Variants in SLC25A13 observed in about 807,000 individuals in gnomAD.
The protein encoded by SLC25A13 is electrogenic aspartate/glutamate antiporter SLC25A13, mitochondrial.
In SLC25A13, 70 loss-of-function variants were observed where a neutral mutation model predicts 85.5. The ratio of observed to expected loss-of-function variants is 0.82; its 90% CI spans 0.68 to 1.00. SLC25A13 has a LOEUF of 1.00. Among genes scored for constraint, SLC25A13 ranks in the 50% least tolerant of loss-of-function variants. The pLI is 0.00. For synonymous variants in SLC25A13, 259 were observed against 288.7 expected (o/e 0.90, Z 1.04); for missense variants, 765 against 819.8 (o/e 0.93, Z 0.82).
chr7:96,225,351 T>C (rs576623598), intron 4 of SLC25A13, among the ~76,000 whole-genome samples: 18 of 152,100 alleles, frequency 1.2e-4, no homozygotes, highest in African/African-American at 3.6e-4. Context: ...TTGAGATTAG[T>C]CTGGGCAACA....
intron 2 of SLC25A13, among the ~76,000 whole-genome samples, chr7:96,296,204 C>T (rs1183561704): frequency 6.6e-6 from 1 of 151,920 alleles, no homozygotes; most frequent in African/African-American, 2.4e-5. Flanking sequence ...AGGCTTCTAC[C>T]AGGGAGAGAC....
intron 5 of SLC25A13, among the ~76,000 whole-genome samples, chr7:96,204,848 T>C (rs1795398685): frequency 6.6e-6 from 1 of 152,188 alleles, no homozygotes; most frequent in Non-Finnish European, 1.5e-5. Context: ...ATTGGATGGT[T>C]TGCCCGACAT....
At chr7:96,265,564 T>C (rs1026386158) in intron 3 of SLC25A13, among the ~76,000 whole-genome samples, 5 of 152,224 alleles carry the variant, frequency 3.3e-5, no homozygotes, top group Non-Finnish European at 7.3e-5. Context: ...GCCATTTAAT[T>C]ACTCAGAATT....
intron 3 of SLC25A13, among the ~76,000 whole-genome samples, chr7:96,266,716 T>C (rs572030179): frequency 1.2e-3 from 182 of 152,280 alleles, no homozygotes; most frequent in Admixed American, 2.8e-3. Context: ...TTGTAGACAG[T>C]GTCTAGCCAC....
intron 2 of SLC25A13, among the ~76,000 whole-genome samples, chr7:96,294,848 T>C (rs1799287863): frequency 6.6e-6 from 1 of 152,130 alleles, no homozygotes; most frequent in Non-Finnish European, 1.5e-5. Context: ...ATGTATAATC[T>C]AAATCTCCTT....
At chr7:96,205,785 C>G (rs1363623252) in intron 5 of SLC25A13, among the ~76,000 whole-genome samples, 11 of 152,194 alleles carry the variant, frequency 7.2e-5, no homozygotes. Context: ...TAGCAACTCA[C>G]CATGTAAGCA....
chr7:96,250,355 T>C (rs1306050572), intron 3 of SLC25A13, among the ~76,000 whole-genome samples: 3 of 152,156 alleles, frequency 2.0e-5, no homozygotes. Context: ...ATATTCTAAA[T>C]AACTTGAAGA....
intron 1 of SLC25A13, among the ~76,000 whole-genome samples, chr7:96,316,291 A>G (rs749044689): frequency 6.6e-6 from 1 of 152,238 alleles, no homozygotes; most frequent in Non-Finnish European, 1.5e-5. Flanking sequence ...TAAAGCAATT[A>G]AATAAAAGGT....
intron 3 of SLC25A13, among the ~76,000 whole-genome samples, chr7:96,262,839 T>C (rs989625519): frequency 3.3e-5 from 5 of 152,194 alleles, no homozygotes; most frequent in Non-Finnish European, 7.3e-5. Flanking sequence ...TATATGACTT[T>C]GAGCAAATTA....
chr7:96,138,452 G>C (rs1431225463), intron 14 of SLC25A13, among the ~76,000 whole-genome samples: 1 of 149,470 alleles, frequency 6.7e-6, no homozygotes, highest in Non-Finnish European at 1.5e-5. Context: ...TTAGAGTGCA[G>C]TGGTGCAATC....
chr7:96,140,524 T>C (rs1343280600), intron 14 of SLC25A13, among the ~76,000 whole-genome samples: 2 of 149,420 alleles, frequency 1.3e-5, no homozygotes, highest in African/African-American at 4.9e-5. Context: ...CCTGCCTCAG[T>C]CTCCCAAGTA....
intron 13 of SLC25A13, among the ~76,000 whole-genome samples, chr7:96,154,787 T>G (rs1793192097): frequency 6.9e-6 from 1 of 145,928 alleles, no homozygotes; most frequent in African/African-American, 2.6e-5. Flanking sequence ...TTTGATACAT[T>G]TCAGCATCTT....
intron 9 of SLC25A13, among the ~76,000 whole-genome samples, chr7:96,186,729 T>A (rs773258201): frequency 6.6e-6 from 1 of 152,190 alleles, no homozygotes; most frequent in Non-Finnish European, 1.5e-5. Flanking sequence ...AAAAAGAGCA[T>A]GGTAAGTAGA....
chr7:96,234,378 G>A (rs910446400), intron 4 of SLC25A13, among the ~76,000 whole-genome samples: 1 of 152,148 alleles, frequency 6.6e-6, no homozygotes, highest in African/African-American at 2.4e-5. Context: ...AGCTCTGGCC[G>A]CAAACTACTC....
chr7:96,219,791 A>G (rs1446224519), intron 4 of SLC25A13: 4 of 529,790 alleles, frequency 7.6e-6, no homozygotes, highest in African/African-American at 3.9e-5. Flanking sequence ...AGATCTATCA[A>G]TTCTCAAGAT....
chr7:96,315,406 T>C lies in SLC25A13; in HGVS notation c.15+6536A>G, dbSNP rs150814416. On this transcript the variant is annotated intron_variant, in intron 1 of 17. Coordinates refer to ENST00000265631, the MANE Select transcript of SLC25A13 (RefSeq NM_014251.3). The stretch of plus-strand genomic sequence containing the variant: ...TGGAGGGAGACCCAGGCATCAGCAG[T>C]TTTTTATACCAGTCCAGAAGACTTC... 9.2e-5 allele frequency among the ~76,000 whole-genome samples: 14 copies of C among 152,260 alleles called. 1 individual carries two copies. In the East Asian group the frequency reaches 2.7e-3, roughly 29 times the overall value.
intron 13 of SLC25A13, among the ~76,000 whole-genome samples, chr7:96,165,436 A>G (rs952181384): frequency 6.6e-6 from 1 of 152,262 alleles, no homozygotes; most frequent in Non-Finnish European, 1.5e-5. Context: ...TGTTCCAACC[A>G]TAAGTCCATC....
intron 5 of SLC25A13, among the ~76,000 whole-genome samples, chr7:96,193,753 A>G (rs1794949864): frequency 1.3e-5 from 2 of 152,100 alleles, no homozygotes; most frequent in African/African-American, 4.8e-5. Flanking sequence ...GTGTACCCCT[A>G]TTCTCTTCCC....
chr7:96,164,073 C>T (rs896811785), intron 13 of SLC25A13, among the ~76,000 whole-genome samples: 2 of 152,204 alleles, frequency 1.3e-5, no homozygotes, highest in African/African-American at 4.8e-5. Context: ...TGCCACATCT[C>T]CCATTCAGAG....
Sources: gnomAD v4.1 joint callset for allele counts (sites outside exome capture counted in the v4.1 genomes callset) on GRCh38, gnomAD v4.1.1 for gene constraint, MANE v1.5 for transcripts, NCBI Gene and HGNC (gene_info 2026-07-23, HGNC 2026-07-21) for gene names.